The following OCA2 variants were observed in gnomAD, a reference collection of about 807,000 sequenced individuals.
The protein encoded by OCA2 is P protein.
In OCA2, 77 loss-of-function variants were observed where a neutral mutation model predicts 100.2. The observed-to-expected ratio is 0.77, with a 90% confidence interval of 0.64 to 0.93. The LOEUF is 0.93. Among genes scored for constraint, OCA2 ranks in the 40% least tolerant of loss-of-function variants. OCA2 has a pLI of 0.00. For missense variants in OCA2, 1,062 were observed against 1,089.1 expected, an observed-to-expected ratio of 0.98 and a Z score of 0.35; for synonymous variants, 432 against 439.2, an observed-to-expected ratio of 0.98 and a Z score of 0.21.
chr15:28,059,981 C>T (rs999664210), intron 2 of OCA2, among the ~76,000 whole-genome samples: 1 of 152,254 alleles, frequency 6.6e-6, no homozygotes, highest in African/African-American at 2.4e-5. Context: ...GCAGCACACA[C>T]AATGGCACCA....
At chr15:28,061,679 C>T (rs1202964342) in intron 2 of OCA2, among the ~76,000 whole-genome samples, 3 of 152,172 alleles carry the variant, frequency 2.0e-5, no homozygotes, top group South Asian at 2.1e-4. Flanking sequence ...TCACCAGCAC[C>T]TTGACTTTGC....
intron 19 of OCA2, among the ~76,000 whole-genome samples, chr15:27,882,012 C>T (rs1356504851): frequency 6.6e-6 from 1 of 152,152 alleles, no homozygotes; most frequent in Non-Finnish European, 1.5e-5. Flanking sequence ...GCATTTGGTG[C>T]TGTAAATTCC....
the OCA2 span, among the ~76,000 whole-genome samples, chr15:27,736,931 TG>T: frequency 5.9e-3 from 905 of 152,356 alleles, 8 homozygotes; most frequent in African/African-American, 0.02. Flanking sequence ...GACATACTTC[TG>T]TGGAAAATAC....
intron 23 of OCA2, among the ~76,000 whole-genome samples, chr15:27,796,696 A>C (rs774413047): frequency 6.6e-6 from 1 of 152,224 alleles, no homozygotes; most frequent in African/African-American, 2.4e-5. Context: ...CGTCCAGAGC[A>C]CTGCCCTTCC....
intron 2 of OCA2, among the ~76,000 whole-genome samples, chr15:28,049,455 G>T (rs543504166): frequency 6.6e-6 from 1 of 152,130 alleles, no homozygotes; most frequent in African/African-American, 2.4e-5. Flanking sequence ...ATAATCTAGC[G>T]ATTTCACTCC....
chr15:28,054,770 G>A (rs934810185), intron 2 of OCA2, among the ~76,000 whole-genome samples: 1 of 152,120 alleles, frequency 6.6e-6, no homozygotes. Context: ...TGAGACACTG[G>A]GTAATTTATA....
At chr15:27,722,776 TTCTTTCTC>T in the OCA2 span, among the ~76,000 whole-genome samples, 3 of 32,772 alleles carry the variant, frequency 9.2e-5, no homozygotes, top group African/African-American at 3.0e-4. Context: ...TTTCTTTTCT[TTCTTTCTC>T]TCTCTCTCTC....
chr15:27,808,327 A>G (rs2033941288), intron 23 of OCA2, among the ~76,000 whole-genome samples: 2 of 152,210 alleles, frequency 1.3e-5, no homozygotes, highest in South Asian at 4.1e-4. Context: ...TGAGCTGGCC[A>G]TGGGGCAGAT....
chr15:27,965,365 C>G (rs1344288516), intron 15 of OCA2, among the ~76,000 whole-genome samples: 1 of 152,198 alleles, frequency 6.6e-6, no homozygotes, highest in Non-Finnish European at 1.5e-5. Flanking sequence ...TGAACTAGGT[C>G]CAGCCCCCAG....
At position 28,043,396 on chromosome 15, in the gene OCA2, C is replaced by T. The variant is rs1454546782; in HGVS notation, c.228-11233G>A. Among the ~76,000 whole-genome samples, 1 of 152,148 alleles carries T rather than the reference C, an allele frequency of 6.6e-6. No individual in the cohort carries two copies. Among genetic ancestry groups the T allele is most frequent in the Non-Finnish European group, 1.5e-5 (1 of 68,038 alleles). The stretch of plus-strand genomic sequence containing the variant: ...TGCATGGCTGTTTCTATCCAGCTTG[C>T]TGTGAAGCTGGTGATCGCTCAATAA... On this transcript the variant is annotated intron_variant, in intron 2 of 23. Coordinates refer to ENST00000354638, the MANE Select transcript of OCA2 (RefSeq NM_000275.3). This position sits in a 1 kb window ranked among gnomAD's most constrained non-coding sequence, Gnocchi z 4.4.
intron 19 of OCA2, chr15:27,896,576 G>A (rs114606709): frequency 0.019 from 5,695 of 300,694 alleles, 312 homozygotes; most frequent in African/African-American, 0.12. Flanking sequence ...GGGCTTCTGA[G>A]AGCTAAACCA....
downstream of OCA2, among the ~76,000 whole-genome samples, chr15:27,751,270 A>C (rs558145791): frequency 7.9e-5 from 12 of 152,282 alleles, no homozygotes; most frequent in South Asian, 1.0e-3. Flanking sequence ...GACCCTTCCT[A>C]TGGTTATTCC....
chr15:27,756,358 G>A (rs975126008), intron 23 of OCA2, among the ~76,000 whole-genome samples: 1 of 152,326 alleles, frequency 6.6e-6, no homozygotes, highest in African/African-American at 2.4e-5. Flanking sequence ...CCTCAACAGA[G>A]CTACAATTAA....
chr15:27,751,846 C>G (rs1044988885), downstream of OCA2, among the ~76,000 whole-genome samples: 2 of 152,248 alleles, frequency 1.3e-5, no homozygotes, highest in African/African-American at 4.8e-5. Flanking sequence ...CAGGCTGCCA[C>G]TGGGCCTTGG....
chr15:27,902,575 G>A (rs1395354623), intron 19 of OCA2, among the ~76,000 whole-genome samples: 1 of 152,152 alleles, frequency 6.6e-6, no homozygotes, highest in Non-Finnish European at 1.5e-5. Flanking sequence ...AAACGTCTCT[G>A]AGCACGCACT....
At chr15:27,985,675 G>T (rs1207380333) in intron 12 of OCA2, among the ~76,000 whole-genome samples, 1 of 151,194 alleles carries the variant, frequency 6.6e-6, no homozygotes, top group Admixed American at 6.6e-5. Context: ...TTCAGAGTTT[G>T]CAAAGGGCTT....
chr15:27,785,264 T>C (rs761996661), intron 23 of OCA2, among the ~76,000 whole-genome samples: 174 of 152,278 alleles, frequency 1.1e-3, no homozygotes, highest in Non-Finnish European at 2.1e-3. Flanking sequence ...AGAAATTCCA[T>C]TCCTAGGTAT....
chr15:27,928,074 G>A (rs925985929), intron 18 of OCA2, among the ~76,000 whole-genome samples: 1 of 152,092 alleles, frequency 6.6e-6, no homozygotes, highest in Non-Finnish European at 1.5e-5. Context: ...TTACAGGCAT[G>A]AGCCACCATG....
the OCA2 span, among the ~76,000 whole-genome samples, chr15:27,747,851 G>T: frequency 1.1e-4 from 16 of 152,216 alleles, no homozygotes; most frequent in East Asian, 3.1e-3. Context: ...TTCTATTTCT[G>T]CCTGTTGCTC....
Sources: allele counts gnomAD v4.1 joint callset (sites outside exome capture counted in the v4.1 genomes callset), GRCh38; gene constraint gnomAD v4.1.1; non-coding constraint Gnocchi (gnomAD v3.1); transcripts MANE v1.5; gene names NCBI Gene and HGNC (gene_info 2026-07-23, HGNC 2026-07-21).